USH2A: variants seen among roughly 807,000 people sequenced by gnomAD.
USH2A encodes the protein usherin.
In USH2A, 443 loss-of-function variants were observed where a neutral mutation model predicts 538.9. The ratio of observed to expected loss-of-function variants is 0.82; its 90% confidence interval spans 0.76 to 0.89. The LOEUF (loss-of-function observed/expected upper bound fraction) is 0.89. USH2A is among the 40% of genes least tolerant of loss of function. The pLI is 0.00. For synonymous variants in USH2A, 2,413 were observed against 2,273.5 expected (o/e 1.06, Z -1.75); for missense variants, 6,633 against 6,324.8 (o/e 1.05, Z -1.65).
Position 215,764,030 on chromosome 1 carries a change from G to T in USH2A, c.11047+2651C>A, listed in dbSNP as rs78944496. On this transcript the variant is annotated intron_variant, in intron 56 of 71. Transcript: ENST00000307340. ...AGTTGAGGAGTAGAGTGGAGTGGAA[G>T]AATTAAGTGGCGAAGTACTGAGGTT... 4.9e-3 allele frequency among the ~76,000 whole-genome samples: 745 copies of T among 152,178 alleles called. 5 individuals carry two copies. Among genetic ancestry groups the T allele is most frequent in the African/African-American group, 0.017 (696 of 41,532 alleles).
At chr1:215,667,734 GA>G (rs887337040) in intron 64 of USH2A, among the ~76,000 whole-genome samples, 80 of 145,842 alleles carry the variant, frequency 5.5e-4, no homozygotes, top group African/African-American at 8.3e-4. Context: ...AAAGAAGAAG[GA>G]AAAAAAAAAG....
chr1:215,999,223 C>G (rs553804536), intron 33 of USH2A, among the ~76,000 whole-genome samples, 165 bp from the exon 34 acceptor site: 1 of 152,218 alleles, frequency 6.6e-6, no homozygotes, highest in Admixed American at 6.5e-5. Flanking sequence ...TATCCAATGC[C>G]TATTCTGAGG....
chr1:215,746,900 T>C (rs1660488637), intron 58 of USH2A, among the ~76,000 whole-genome samples: 1 of 152,170 alleles, frequency 6.6e-6, no homozygotes, highest in African/African-American at 2.4e-5. Flanking sequence ...ATTTCCCTGT[T>C]TGAGGAAGGG....
At chr1:216,309,786 A>G (rs2037386649) in intron 9 of USH2A, among the ~76,000 whole-genome samples, 1 of 152,094 alleles carries the variant, frequency 6.6e-6, no homozygotes, top group Non-Finnish European at 1.5e-5. Context: ...TACTTTTTCT[A>G]CATTTATTGA....
At chr1:216,245,716 A>C (rs1035105814) in intron 13 of USH2A, among the ~76,000 whole-genome samples, 3 of 152,140 alleles carry the variant, frequency 2.0e-5, no homozygotes, top group African/African-American at 7.2e-5. Flanking sequence ...TTGATCTTAC[A>C]CACTGACCAA....
chr1:215,890,501 C>G lies in USH2A; in HGVS notation c.7595-1447G>C, dbSNP rs182696210. 5.4e-3 allele frequency among the ~76,000 whole-genome samples: 827 copies of G among 152,254 alleles called. 4 individuals carry two copies. The highest frequency in any genetic ancestry group is 0.02 in the Middle Eastern group (6 of 294). Reference sequence around the variant, plus strand: ...TCGAAGCAAAAGATGTTATAGTGCACTAACTCTGAAATCAAGCTATTTCTG... The same window carrying G: ...TCGAAGCAAAAGATGTTATAGTGCAGTAACTCTGAAATCAAGCTATTTCTG... On this transcript the variant is annotated intron_variant, in intron 40 of 71. Transcript: ENST00000307340.
At chr1:215,805,945 C>T (rs1281732241) in intron 49 of USH2A, among the ~76,000 whole-genome samples, 2 of 148,014 alleles carry the variant, frequency 1.4e-5, no homozygotes, top group African/African-American at 5.0e-5. Flanking sequence ...GGGAGAACAC[C>T]TACTTTGCCT....
chr1:215,743,161 T>G lies in USH2A; in HGVS notation c.11548+16A>C, dbSNP rs545402848. The G allele has an allele frequency of 5.6e-6, 9 of 1,607,070 alleles. No individual in the cohort carries two copies. In the African/African-American group the frequency reaches 8.0e-5, roughly 14 times the overall value. ...TTTTCATAAAAGCCCAGGCCAAGTGTCTGAAAGACTTTCACCATTTTGACA... is the reference window on the plus strand; with the variant it reads ...TTTTCATAAAAGCCCAGGCCAAGTGGCTGAAAGACTTTCACCATTTTGACA... On this transcript the variant is annotated intron_variant, in intron 59 of 71. Transcript: ENST00000307340.
intron 26 of USH2A, among the ~76,000 whole-genome samples, chr1:216,081,851 C>A (rs1446109924): frequency 2.6e-5 from 4 of 151,974 alleles, no homozygotes; most frequent in Non-Finnish European, 4.4e-5. Flanking sequence ...TAATCCCAGG[C>A]CTCTAAAAGT....
intron 37 of USH2A, among the ~76,000 whole-genome samples, chr1:215,951,661 G>A (rs1666918565): frequency 6.6e-6 from 1 of 152,128 alleles, no homozygotes; most frequent in Middle Eastern, 3.4e-3. Context: ...GGGTGTTAAA[G>A]TCTCCCATTA....
At chr1:215,749,454 G>T (rs1185883531) in intron 58 of USH2A, among the ~76,000 whole-genome samples, 1 of 152,122 alleles carries the variant, frequency 6.6e-6, no homozygotes, top group East Asian at 1.9e-4. Context: ...GCTCCTCTAA[G>T]CTGTGAACAC....
At chr1:215,781,891 A>T in intron 54 of USH2A, 151 bp downstream of exon 54, 2 of 909,834 alleles carry the variant, frequency 2.2e-6, no homozygotes, top group Admixed American at 3.8e-5. Flanking sequence ...AGGTATTAGC[A>T]CTCAGTTAAC....
chr1:215,638,781 A>G (rs2102634133), intron 69 of USH2A, among the ~76,000 whole-genome samples: 1 of 152,144 alleles, frequency 6.6e-6, no homozygotes, highest in East Asian at 1.9e-4. Flanking sequence ...GATCCAGACC[A>G]GCCTGGCTAA....
intron 21 of USH2A, among the ~76,000 whole-genome samples, chr1:216,162,327 C>A (rs1379925136): frequency 6.6e-6 from 1 of 151,898 alleles, no homozygotes; most frequent in Admixed American, 6.6e-5. Flanking sequence ...CTTTACATAC[C>A]ATTTTTTCCT....
chr1:216,347,181 T>G (rs1447951389), intron 4 of USH2A, among the ~76,000 whole-genome samples: 1 of 152,118 alleles, frequency 6.6e-6, no homozygotes, highest in Non-Finnish European at 1.5e-5. Context: ...TGGGGACATG[T>G]GGAATTAGCC....
At position 215,836,517 on chromosome 1, in the gene USH2A, TA is replaced by T. The variant is rs1180628699; in HGVS notation, c.9371+1473del. 4.5e-3 allele frequency among the ~76,000 whole-genome samples: 137 copies of T among 30,676 alleles called. 1 individual carries two copies. The highest frequency in any genetic ancestry group is 7.0e-3 in the Non-Finnish European group (115 of 16,522). 20.1% of individuals were successfully genotyped at this position (30,676 alleles called of 152,430 possible). A position where few individuals can be genotyped will look rare whatever the true frequency, so the allele number is the denominator to read the frequency against. On this transcript the variant is annotated intron_variant, in intron 47 of 71. Transcript: ENST00000307340. ...ATATATAATATATATTATATATATA[TA>T]ATATATATTATATATATATATATAA...
At chr1:216,180,792 A>G (rs930688194) in intron 20 of USH2A, among the ~76,000 whole-genome samples, 1 of 152,156 alleles carries the variant, frequency 6.6e-6, no homozygotes. Context: ...CCCTGTCAAT[A>G]GAATATGATT....
chr1:216,145,571 C>G (rs564270961), intron 21 of USH2A, among the ~76,000 whole-genome samples: 1 of 152,322 alleles, frequency 6.6e-6, no homozygotes, highest in Admixed American at 6.5e-5. Flanking sequence ...AGTAGTCAAA[C>G]AGCCATGGAT....
chr1:215,845,062 T>C (rs1215850228), intron 45 of USH2A, among the ~76,000 whole-genome samples: 1 of 152,202 alleles, frequency 6.6e-6, no homozygotes, highest in Non-Finnish European at 1.5e-5. Context: ...TGCTTAGCGT[T>C]AAATTGCATA....
Sources: gnomAD v4.1 joint callset for allele counts (sites outside exome capture counted in the v4.1 genomes callset) on GRCh38, gnomAD v4.1.1 for gene constraint, MANE v1.5 for transcripts, NCBI Gene and HGNC (gene_info 2026-07-23, HGNC 2026-07-21) for gene names.